The following PTPRD variants were observed in gnomAD, a reference collection of about 807,000 sequenced individuals.
PTPRD encodes the protein receptor-type tyrosine-protein phosphatase delta.
PTPRD carries 34 observed loss-of-function variants against 214.5 expected under a neutral mutation model. That is an observed-to-expected ratio of 0.16 (90% CI 0.12 to 0.21). PTPRD has a LOEUF of 0.21. Ranked by LOEUF, PTPRD falls within the 10% of genes least tolerant of loss-of-function variation. The pLI is 1.00. For synonymous variants in PTPRD, 1,128 were observed against 845.7 expected (o/e 1.33, Z -5.79); for missense variants, 2,545 against 2,398.7 (o/e 1.06, Z -1.27).
chr9:9,122,279 C>T (rs1197935918), intron 10 of PTPRD, among the ~76,000 whole-genome samples: 2 of 152,132 alleles, frequency 1.3e-5, no homozygotes, highest in Non-Finnish European at 2.9e-5. Context: ...TGGAAAGACA[C>T]ACCTATATGG....
intron 3 of PTPRD, among the ~76,000 whole-genome samples, chr9:10,062,518 A>G (rs559025900): frequency 1.4e-3 from 220 of 152,200 alleles, no homozygotes; most frequent in African/African-American, 4.9e-3. Flanking sequence ...AGGCAGGAGA[A>G]TCACTTAAAC....
chr9:9,664,832 C>T (rs978718407), intron 7 of PTPRD, among the ~76,000 whole-genome samples: 1 of 151,644 alleles, frequency 6.6e-6, no homozygotes, highest in African/African-American at 2.4e-5. Flanking sequence ...TCCCAGAAAG[C>T]TTTTCTGGAA....
chr9:8,891,334 G>A (rs1437311171), intron 11 of PTPRD, among the ~76,000 whole-genome samples: 4 of 151,564 alleles, frequency 2.6e-5, no homozygotes, highest in Non-Finnish European at 5.9e-5. Context: ...GAGTTTCACC[G>A]TGTTAGCCAG....
In PTPRD at chr9:9,267,707, T is replaced by C. The variant is rs1459053525; in HGVS notation, c.-202-84344A>G. Among the ~76,000 whole-genome samples, 5 of 151,288 alleles carry C rather than the reference T, an allele frequency of 3.3e-5. No individual in the cohort carries two copies. The East Asian group carries it at 9.8e-4, about 30-fold the overall frequency. On this transcript the variant is annotated intron_variant, in intron 9 of 45. Transcript: ENST00000381196. ...GATCAAGTGATATTTATCCCTGGAA[T>C]GCAAGGATGGCTTAACATACATAAA...
chr9:10,157,746 C>T (rs937287631), intron 3 of PTPRD, among the ~76,000 whole-genome samples: 5 of 152,220 alleles, frequency 3.3e-5, no homozygotes, highest in Non-Finnish European at 7.4e-5. Flanking sequence ...TGGTTCCATT[C>T]CATTATCCTC....
chr9:8,686,100 T>C (rs1358086541), intron 12 of PTPRD, among the ~76,000 whole-genome samples: 2 of 152,242 alleles, frequency 1.3e-5, no homozygotes, highest in African/African-American at 2.4e-5. Context: ...AAAACATCTA[T>C]AACCCTTGAA....
intron 12 of PTPRD, among the ~76,000 whole-genome samples, chr9:8,702,094 C>G (rs1163332390): frequency 6.6e-6 from 1 of 151,986 alleles, no homozygotes; most frequent in Non-Finnish European, 1.5e-5. Flanking sequence ...TTAGTTTGCT[C>G]TCCTACTTTT....
chr9:9,377,918 T>A (rs1234871516), intron 9 of PTPRD, among the ~76,000 whole-genome samples: 1 of 137,178 alleles, frequency 7.3e-6, no homozygotes, highest in Admixed American at 6.9e-5. Flanking sequence ...CTTAAGACTA[T>A]TTTTTTTTAA....
chr9:10,201,007 G>A (rs2099417825), intron 3 of PTPRD, among the ~76,000 whole-genome samples: 1 of 152,114 alleles, frequency 6.6e-6, no homozygotes, highest in Non-Finnish European at 1.5e-5. Context: ...TGGATAGAGA[G>A]GGAGAAATCA....
chr9:10,036,205 A>G (rs2097177686), intron 3 of PTPRD, among the ~76,000 whole-genome samples: 1 of 152,176 alleles, frequency 6.6e-6, no homozygotes, highest in Non-Finnish European at 1.5e-5. Context: ...GACAGTCTAC[A>G]TACACTAGTG....
chr9:9,424,473 G>A (rs1001365782), intron 8 of PTPRD, among the ~76,000 whole-genome samples: 13 of 152,176 alleles, frequency 8.5e-5, no homozygotes, highest in African/African-American at 2.9e-4. Context: ...CTGGGGTGAA[G>A]TGGGGTGGGA....
chr9:10,564,647 G>A (rs564434358), intron 2 of PTPRD, among the ~76,000 whole-genome samples: 2 of 152,084 alleles, frequency 1.3e-5, no homozygotes, highest in South Asian at 4.1e-4. Flanking sequence ...GCACAAAATT[G>A]GGTGCAGACT....
intron 7 of PTPRD, among the ~76,000 whole-genome samples, chr9:9,685,104 T>G (rs1194127115): frequency 6.6e-6 from 1 of 151,436 alleles, no homozygotes; most frequent in Non-Finnish European, 1.5e-5. Flanking sequence ...AGTATAAATT[T>G]AGGTGTGTAA....
At chr9:10,226,003 C>A (rs188050512) in intron 3 of PTPRD, among the ~76,000 whole-genome samples, 1 of 152,034 alleles carries the variant, frequency 6.6e-6, no homozygotes, top group Non-Finnish European at 1.5e-5. Flanking sequence ...AGTCCTACTG[C>A]AGTTTAAGGT....
intron 2 of PTPRD, among the ~76,000 whole-genome samples, chr9:10,385,553 C>G (rs1220185566): frequency 1.3e-5 from 2 of 151,536 alleles, no homozygotes; most frequent in Non-Finnish European, 3.0e-5. Flanking sequence ...TATTCTCTTT[C>G]CTGAAAATGA....
chr9:10,200,494 T>C (rs770621796), intron 3 of PTPRD, among the ~76,000 whole-genome samples: 20 of 152,054 alleles, frequency 1.3e-4, no homozygotes, highest in Admixed American at 3.9e-4. Context: ...AAAATATTAA[T>C]AGTGCAGTTG....
intron 11 of PTPRD, among the ~76,000 whole-genome samples, chr9:8,934,489 A>AAATT (rs1403749359): frequency 0.02 from 190 of 9,428 alleles, 11 homozygotes; most frequent in East Asian, 0.074. Flanking sequence ...ATATATATAT[A>AAATT]TATAAATATA....
chr9:9,347,426 C>T (rs1230065138), intron 9 of PTPRD, among the ~76,000 whole-genome samples: 1 of 151,724 alleles, frequency 6.6e-6, no homozygotes, highest in Non-Finnish European at 1.5e-5. Flanking sequence ...ATAACAATTT[C>T]TGTTCCCTTC....
At chr9:10,079,608 A>G (rs1201159011) in intron 3 of PTPRD, among the ~76,000 whole-genome samples, 1 of 152,102 alleles carries the variant, frequency 6.6e-6, no homozygotes, top group East Asian at 1.9e-4. Flanking sequence ...ATTCTATGAT[A>G]TTGAATTAAA....
Sources: gnomAD v4.1 joint callset for allele counts (sites outside exome capture counted in the v4.1 genomes callset) on GRCh38, gnomAD v4.1.1 for gene constraint, MANE v1.5 for transcripts, NCBI Gene and HGNC (gene_info 2026-07-23, HGNC 2026-07-21) for gene names.